Variants in TNK2 observed in about 807,000 individuals in gnomAD.
TNK2 encodes activated CDC42 kinase 1.
In TNK2, 83 loss-of-function variants were observed where a neutral mutation model predicts 101.8. The ratio of observed to expected loss-of-function variants is 0.82; its 90% CI spans 0.68 to 0.98. TNK2 has a LOEUF of 0.98. TNK2 is among the 50% of genes least tolerant of loss of function. The pLI is 0.00. For missense variants in TNK2, 1,665 were observed against 1,483.2 expected, an observed-to-expected ratio of 1.12 and a Z score of -2.01; for synonymous variants, 804 against 633.0, an observed-to-expected ratio of 1.27 and a Z score of -4.06.
chr3:195,901,158 A>G lies in TNK2; in HGVS notation c.-19+7327T>C, dbSNP rs539183683. On this transcript the variant is annotated intron_variant, in intron 1 of 15. Transcript: ENST00000672887. ...CGGTGCTTCAAGACATACACCTTAA[A>G]TCCCACTGGACCCTGCTCACCATCT... Among the ~76,000 whole-genome samples the G allele has an allele frequency of 1.2e-3, 189 of 152,212 alleles. 1 individual carries two copies. Among genetic ancestry groups the G allele is most frequent in the Non-Finnish European group, 2.1e-3 (146 of 67,996 alleles).
chr3:195,893,568 G>A (rs1759445982), intron 1 of TNK2, among the ~76,000 whole-genome samples: 1 of 152,072 alleles, frequency 6.6e-6, no homozygotes, highest in African/African-American at 2.4e-5. Flanking sequence ...AGCCCCCGTG[G>A]GGCCCTCATG....
At chr3:195,869,644 G>GA (rs2149266305) in intron 11 of TNK2, 103 bp from the exon 12 acceptor site, 2 of 1,196,356 alleles carry the variant, frequency 1.7e-6, no homozygotes, top group East Asian at 5.1e-5. Flanking sequence ...GAGACGAAGG[G>GA]AGAGAAGTGA....
chr3:195,866,752 C>T, intron 15 of TNK2, 137 bp downstream of exon 15: 1 of 1,298,168 alleles, frequency 7.7e-7, no homozygotes, highest in Non-Finnish European at 1.0e-6. Flanking sequence ...CCTGTGAGCG[C>T]CTCCCTCCCG....
At chr3:195,899,502 T>A (rs1484094060) in intron 1 of TNK2, among the ~76,000 whole-genome samples, 2 of 152,126 alleles carry the variant, frequency 1.3e-5, no homozygotes, top group Non-Finnish European at 2.9e-5. Context: ...AATTTTTATA[T>A]TTTTAGTAGA....
At chr3:195,877,269 A>G (rs1749929129) in intron 9 of TNK2, among the ~76,000 whole-genome samples, 1 of 152,012 alleles carries the variant, frequency 6.6e-6, no homozygotes, top group Non-Finnish European at 1.5e-5. Context: ...TGTCATTCCT[A>G]TTCCCAGACC....
intron 9 of TNK2, among the ~76,000 whole-genome samples, chr3:195,873,074 C>T (rs1256368842): frequency 2.0e-5 from 3 of 152,166 alleles, no homozygotes; most frequent in Admixed American, 6.5e-5. Flanking sequence ...CTCCCTCCAC[C>T]GCTTCACCTG....
In TNK2 at chr3:195,887,060, C is replaced by T. The variant is rs557961285; in HGVS notation, c.164-13G>A. 68 of 1,608,808 alleles carry T rather than the reference C, an allele frequency of 4.2e-5. No homozygotes were observed. The highest frequency in any genetic ancestry group is 1.8e-4 in the East Asian group (8 of 44,870). ...AGCCGCCGCTGGCCTGCAGGGAGAG[C>T]GGGGAACCGCGTGCTGTGAAGGCCG... is the stretch of plus-strand genomic sequence containing the variant. On this transcript the variant is annotated splice_polypyrimidine_tract_variant and intron_variant, in intron 2 of 15. Coordinates refer to ENST00000672887, the MANE Select transcript of TNK2 (RefSeq NM_001382273.1).
At chr3:195,870,282 G>A (rs551988197) in intron 10 of TNK2, 77 bp from the exon 11 acceptor site, 18 of 1,582,920 alleles carry the variant, frequency 1.1e-5, no homozygotes, top group East Asian at 9.4e-5. Context: ...GAGCCCCTTC[G>A]TCCTGGAGGA....
At chr3:195,874,666 G>A (rs564283639) in intron 9 of TNK2, among the ~76,000 whole-genome samples, 3 of 10,948 alleles carry the variant, frequency 2.7e-4, no homozygotes, top group African/African-American at 1.9e-3. Flanking sequence ...GGCACAAGAA[G>A]CTCCCCTCGG....
chr3:195,869,784 G>A (rs576434385), intron 11 of TNK2: 91 of 595,920 alleles, frequency 1.5e-4, no homozygotes, highest in East Asian at 6.6e-4. Context: ...AGCCGGAGCC[G>A]TGGGGTGGTT....
chr3:195,867,117 G>C lies in TNK2; in HGVS notation c.3033+52C>G. 1.9e-6 allele frequency: 3 copies of C among 1,609,006 alleles called. No individual in the cohort carries two copies. The South Asian group carries it at 3.3e-5, about 18-fold the overall frequency. On this transcript the variant is annotated intron_variant, in intron 14 of 15. Coordinates refer to ENST00000672887, the MANE Select transcript of TNK2 (RefSeq NM_001382273.1). ...AGGGGGCGTGGGGCTGGGGGCAGCA[G>C]AACCAGGCTTCAGGGTCCCTGAGAG...
intron 12 of TNK2, chr3:195,869,058 T>G: frequency 2.2e-6 from 1 of 454,688 alleles, no homozygotes; most frequent in Admixed American, 3.9e-5. Context: ...TGAGCCCTCA[T>G]CCCCGCCCCT....
chr3:195,883,103 C>G, intron 5 of TNK2, 54 bp downstream of exon 5: 1 of 1,588,774 alleles, frequency 6.3e-7, no homozygotes, highest in Non-Finnish European at 8.5e-7. Context: ...CCGAACCACA[C>G]ATATGGGACC....
chr3:195,877,185 G>A (rs1250014635), intron 9 of TNK2, among the ~76,000 whole-genome samples: 2 of 152,136 alleles, frequency 1.3e-5, no homozygotes, highest in Non-Finnish European at 2.9e-5. Flanking sequence ...CCTGTCCCCA[G>A]GCCTCTCTTT....
At position 195,869,453 on chromosome 3, in the gene TNK2, G is replaced by A. The variant is rs982574034; in HGVS notation, c.1588+44C>T. On this transcript the variant is annotated intron_variant, in intron 12 of 15. Coordinates refer to ENST00000672887, the MANE Select transcript of TNK2 (RefSeq NM_001382273.1). ...CTTCCAGGAGAGGAGTGAGAGAGAG[G>A]GGGCGGGGGCGGGGGCCAAGGCATC... The A allele has an allele frequency of 3.2e-6, 5 of 1,538,782 alleles. No homozygotes were observed. The East Asian group carries it at 1.2e-4, about 38-fold the overall frequency.
rs564526472 is a variant in TNK2 at position 195,869,422 on chromosome 3, C to G, written c.1588+75G>C. 2.7e-5 allele frequency: 37 copies of G among 1,393,784 alleles called. 1 individual carries two copies. The South Asian group carries it at 3.1e-4, about 12-fold the overall frequency. 86.3% of individuals were successfully genotyped at this position (1,393,784 alleles called of 1,614,324 possible). A position where few individuals can be genotyped will look rare whatever the true frequency, so the allele number is the denominator to read the frequency against. On this transcript the variant is annotated intron_variant, in intron 12 of 15. Transcript: ENST00000672887. ...CCCCTCCGGCCCAGCCGCCCAGGCT[C>G]TGTACCTTCCAGGAGAGGAGTGAGA...
At chr3:195,895,117 G>A (rs1027900952) in intron 1 of TNK2, 231 of 857,360 alleles carry the variant, frequency 2.7e-4, no homozygotes, top group Middle Eastern at 2.8e-4. Flanking sequence ...ACCGCTCTCT[G>A]TCCCCTGGCC....
rs187745976 is a variant in TNK2, at chr3:195,876,493, T to C, written c.1256+1760A>G. On this transcript the variant is annotated intron_variant, in intron 9 of 15. Transcript: ENST00000672887. ...GGAGACGGAGGCAGCCAAACAAACA[T>C]GGAGATATTCAGGGACTGAAGAAAC... The C allele has an allele frequency of 3.3e-3, 1,496 of 456,350 alleles. 17 individuals are homozygous for C. The highest frequency in any genetic ancestry group is 0.027 in the African/African-American group (1,335 of 49,996). 28.3% of individuals were successfully genotyped at this position (456,350 alleles called of 1,614,324 possible). A position where few individuals can be genotyped will look rare whatever the true frequency, so the allele number is the denominator to read the frequency against.
chr3:195,866,185 A>G (rs918102814), intron 15 of TNK2, among the ~76,000 whole-genome samples: 17 of 152,206 alleles, frequency 1.1e-4, no homozygotes, highest in African/African-American at 3.6e-4. Context: ...CAGGAAAGAC[A>G]ATATATTTTC....
Sources: allele counts gnomAD v4.1 joint callset (sites outside exome capture counted in the v4.1 genomes callset), GRCh38; gene constraint gnomAD v4.1.1; transcripts MANE v1.5; gene names NCBI Gene and HGNC (gene_info 2026-07-23, HGNC 2026-07-21).